DDAH1: variants seen among roughly 807,000 people sequenced by gnomAD.
DDAH1 encodes the protein N(G),N(G)-dimethylarginine dimethylaminohydrolase 1.
Under a neutral mutation model 28.8 loss-of-function variants are expected in DDAH1, and 19 were observed. The ratio of observed to expected loss-of-function variants is 0.66; its 90% CI spans 0.46 to 0.97. The LOEUF (loss-of-function observed/expected upper bound fraction) is 0.97. DDAH1 is among the 50% of genes least tolerant of loss of function. The pLI is 0.00. For synonymous variants in DDAH1, 153 were observed against 154.4 expected (o/e 0.99, Z 0.07); for missense variants, 326 against 375.9 (o/e 0.87, Z 1.10).
chr1:85,352,490 C>T (rs1166467613), intron 2 of DDAH1, among the ~76,000 whole-genome samples: 1 of 152,120 alleles, frequency 6.6e-6, no homozygotes, highest in Non-Finnish European at 1.5e-5. Flanking sequence ...GCTCAATGAG[C>T]CCACCATATT....
At chr1:85,325,975 T>C (rs233124) in intron 4 of DDAH1, among the ~76,000 whole-genome samples, 55,690 of 152,136 alleles carry the variant, frequency 0.37, 10,310 homozygotes, top group South Asian at 0.42. Flanking sequence ...ATGGTCCCAT[T>C]TACTTTTACT....
chr1:85,352,947 A>G (rs1049575740), intron 2 of DDAH1, among the ~76,000 whole-genome samples: 2 of 152,122 alleles, frequency 1.3e-5, no homozygotes, highest in Admixed American at 6.5e-5. Context: ...TTCTTATAAA[A>G]TGATCACGTG....
chr1:85,483,600 C>A (rs1656086084), intron 2 of DDAH1, among the ~76,000 whole-genome samples: 2 of 152,208 alleles, frequency 1.3e-5, no homozygotes, highest in South Asian at 4.1e-4. Context: ...TGGGCAGCAA[C>A]CCATAATCAA....
At position 85,570,364 on chromosome 1, in the gene DDAH1, T is replaced by A. The variant is rs918917652; in HGVS notation, c.-123+7620A>T. ...CCTCCCTTCTCCAGCACACACACTG[T>A]CACACACACACACACACACACACAC... On this transcript the variant is annotated intron_variant, in intron 1 of 6. Coordinates refer to the DDAH1 transcript ENST00000426972. Among the ~76,000 whole-genome samples the A allele has an allele frequency of 5.7e-3, 827 of 145,570 alleles. 6 individuals are homozygous for A. Among genetic ancestry groups the A allele is most frequent in the African/African-American group, 0.02 (781 of 39,204 alleles).
At chr1:85,465,850 C>G (rs1655361056), upstream of DDAH1, among the ~76,000 whole-genome samples, 1 of 152,180 alleles carries the variant, frequency 6.6e-6, no homozygotes, top group Non-Finnish European at 1.5e-5. Context: ...CTTCAACATT[C>G]TGGTCAGCTT....
intron 1 of DDAH1, among the ~76,000 whole-genome samples, chr1:85,503,566 T>TATCTATCTATCC (rs1159412594): frequency 4.1e-5 from 6 of 146,522 alleles, no homozygotes; most frequent in Non-Finnish European, 6.1e-5. Context: ...TCTATCTATC[T>TATCTATCTATCC]ATCCATCTAT....
intron 1 of DDAH1, among the ~76,000 whole-genome samples, chr1:85,462,311 A>G (rs566711070): frequency 6.6e-6 from 1 of 152,148 alleles, no homozygotes; most frequent in Non-Finnish European, 1.5e-5. Context: ...AGGCAAGCAC[A>G]GCCCAGCTCA....
chr1:85,535,309 A>G (rs2100778312), intron 1 of DDAH1, among the ~76,000 whole-genome samples: 1 of 148,236 alleles, frequency 6.7e-6, no homozygotes, highest in Middle Eastern at 3.4e-3. Context: ...TAGAGAAAGA[A>G]GTTGCACAAT....
intron 1 of DDAH1, among the ~76,000 whole-genome samples, chr1:85,461,853 G>A (rs1477503006): frequency 6.6e-6 from 1 of 152,132 alleles, no homozygotes; most frequent in Non-Finnish European, 1.5e-5. Context: ...CTCATAAAAG[G>A]AGAACCAATT....
chr1:85,500,165 C>G (rs1656769044), intron 1 of DDAH1, among the ~76,000 whole-genome samples: 1 of 110,086 alleles, frequency 9.1e-6, no homozygotes, highest in Admixed American at 1.1e-4. Flanking sequence ...CTTTCTTTCT[C>G]TTTTTTCCTT....
intron 1 of DDAH1, among the ~76,000 whole-genome samples, chr1:85,419,153 A>T (rs1653018054): frequency 6.6e-6 from 1 of 152,158 alleles, no homozygotes; most frequent in Non-Finnish European, 1.5e-5. Flanking sequence ...AAAGTGTTAA[A>T]GCCTTGAACA....
At chr1:85,328,056 A>G (rs1302657897) in intron 4 of DDAH1, among the ~76,000 whole-genome samples, 3 of 152,216 alleles carry the variant, frequency 2.0e-5, no homozygotes, top group Non-Finnish European at 1.5e-5. Context: ...GGTATGGTCT[A>G]TGTCCAGAAA....
intron 2 of DDAH1, among the ~76,000 whole-genome samples, chr1:85,486,305 T>G (rs1656202505): frequency 6.6e-6 from 1 of 152,172 alleles, no homozygotes; most frequent in Non-Finnish European, 1.5e-5. Flanking sequence ...GCTACCTTAG[T>G]ATGGGAATGC....
chr1:85,473,560 T>C (rs1307516151), intron 2 of DDAH1, among the ~76,000 whole-genome samples: 1 of 152,136 alleles, frequency 6.6e-6, no homozygotes, highest in Non-Finnish European at 1.5e-5. Context: ...GTTGCTTCAT[T>C]TTCTTACGAA....
chr1:85,574,811 C>T (rs1283761850), intron 1 of DDAH1, among the ~76,000 whole-genome samples: 2 of 151,918 alleles, frequency 1.3e-5, no homozygotes, highest in African/African-American at 2.4e-5. Context: ...TTTGGGAGGC[C>T]GAGGCGGGTG....
At position 85,319,359 on chromosome 1, in the gene DDAH1, A is replaced by G. The variant is rs1661230318; in HGVS notation, c.*2093T>C. ...GCCTTCTGCAGAACAAATTGTTACA[A>G]AGAAAAATCTATTTGCTTGCAATTG... On this transcript the variant is annotated 3_prime_UTR_variant, in exon 6 of 6. Transcript: ENST00000284031. 1 of 152,234 alleles carries G rather than the reference A, an allele frequency of 6.6e-6. No individual in the cohort carries two copies. The highest frequency in any genetic ancestry group is 2.4e-5 in the African/African-American group (1 of 41,458). 9.4% of individuals were successfully genotyped at this position (152,234 alleles called of 1,614,324 possible).
intron 1 of DDAH1, among the ~76,000 whole-genome samples, chr1:85,420,464 G>C (rs936153723): frequency 3.3e-5 from 5 of 152,152 alleles, no homozygotes; most frequent in African/African-American, 4.8e-5. Flanking sequence ...GCACTTTGCT[G>C]CTTAGAAATT....
intron 1 of DDAH1, among the ~76,000 whole-genome samples, chr1:85,552,301 T>G (rs1439511711): frequency 6.6e-6 from 1 of 152,234 alleles, no homozygotes; most frequent in Admixed American, 6.5e-5. Context: ...TCTTCCACAC[T>G]GCTATCAGAG....
intron 1 of DDAH1, among the ~76,000 whole-genome samples, chr1:85,414,964 G>A (rs139849658): frequency 3.4e-5 from 5 of 149,208 alleles, no homozygotes; most frequent in African/African-American, 9.8e-5. Flanking sequence ...AATTTGGAAG[G>A]CCCCTGTGAC....
Sources: gnomAD v4.1 joint callset for allele counts (sites outside exome capture counted in the v4.1 genomes callset) on GRCh38, gnomAD v4.1.1 for gene constraint, MANE v1.5 for transcripts, NCBI Gene and HGNC (gene_info 2026-07-23, HGNC 2026-07-21) for gene names.